Variants in HFM1 observed in about 807,000 individuals in gnomAD.
HFM1 encodes the protein helicase for meiosis 1, also known as probable ATP-dependent DNA helicase HFM1.
A neutral mutation model predicts 192.1 loss-of-function variants in HFM1; 169 were observed. That is an observed-to-expected ratio of 0.88 (90% CI 0.78 to 1.00). The LOEUF is 1.00. Among genes scored for constraint, HFM1 ranks in the 50% least tolerant of loss-of-function variants. The pLI is 0.00. For synonymous variants in HFM1, 525 were observed against 537.8 expected, an observed-to-expected ratio of 0.98 and a Z score of 0.33; for missense variants, 1,661 against 1,668.0, an observed-to-expected ratio of 1.00 and a Z score of 0.07.
chr1:91,283,293 G>T (rs1667629285), intron 30 of HFM1, among the ~76,000 whole-genome samples: 2 of 152,182 alleles, frequency 1.3e-5, no homozygotes, highest in African/African-American at 2.4e-5. Flanking sequence ...ACCTAGGCAG[G>T]AGTGCAGTGG....
chr1:91,315,463 T>A (rs1651055093), intron 28 of HFM1, among the ~76,000 whole-genome samples: 1 of 152,168 alleles, frequency 6.6e-6, no homozygotes, highest in South Asian at 2.1e-4. Context: ...GAAGGTATAT[T>A]TTGAGGTCAG....
rs1254442331 is a variant in HFM1, at chr1:91,287,090, G to A, written c.3392-10028C>T. Among the ~76,000 whole-genome samples the A allele has an allele frequency of 8.5e-5, 13 of 152,172 alleles. No homozygotes were observed. The South Asian group carries it at 2.5e-3, about 29-fold the overall frequency. Reference sequence around the variant, plus strand: ...GCGGCAGCGAGGCTGGGGGAGGGGTGCCCGCCACTGCCCAGGATTGCTTAG... The same window carrying A: ...GCGGCAGCGAGGCTGGGGGAGGGGTACCCGCCACTGCCCAGGATTGCTTAG... On this transcript the variant is annotated intron_variant, in intron 30 of 38. Transcript: ENST00000370425.
chr1:91,383,232 A>G (rs1661767433), intron 6 of HFM1, among the ~76,000 whole-genome samples: 1 of 152,180 alleles, frequency 6.6e-6, no homozygotes, highest in Admixed American at 6.5e-5. Flanking sequence ...AAAATCCTCA[A>G]AGCTCTTTAA....
At chr1:91,310,387 T>G (rs183914906) in intron 30 of HFM1, among the ~76,000 whole-genome samples, 23 of 152,330 alleles carry the variant, frequency 1.5e-4, no homozygotes, top group African/African-American at 5.5e-4. Flanking sequence ...CTTACACTTC[T>G]ATCTACTTTT....
intron 20 of HFM1, among the ~76,000 whole-genome samples, chr1:91,325,845 A>G (rs1453539020): frequency 1.3e-5 from 2 of 152,198 alleles, no homozygotes; most frequent in Admixed American, 6.5e-5. Context: ...AAGAAACTCA[A>G]AGAAATTCAA....
At chr1:91,344,965 T>C (rs1655931761) in intron 19 of HFM1, among the ~76,000 whole-genome samples, 1 of 152,106 alleles carries the variant, frequency 6.6e-6, no homozygotes. Flanking sequence ...TTGTCCAGGC[T>C]GGTCTCAAAC....
intron 34 of HFM1, 84 bp downstream of exon 34, chr1:91,273,628 G>T: frequency 1.6e-6 from 1 of 640,328 alleles, no homozygotes. Context: ...AATTTCAGAT[G>T]CCGGTGTTTC....
chr1:91,292,764 A>G (rs527453771), intron 30 of HFM1, among the ~76,000 whole-genome samples: 1 of 152,292 alleles, frequency 6.6e-6, no homozygotes, highest in African/African-American at 2.4e-5. Flanking sequence ...AAGCCAAAAG[A>G]AGAAAGCTGG....
chr1:91,373,631 C>T (rs771650644), intron 13 of HFM1, among the ~76,000 whole-genome samples: 1 of 151,574 alleles, frequency 6.6e-6, no homozygotes, highest in Non-Finnish European at 1.5e-5. Context: ...CATCTAGTTG[C>T]TTAAAAGTGT....
At chr1:91,392,003 T>C (rs1663056785) in intron 4 of HFM1, among the ~76,000 whole-genome samples, 1 of 152,132 alleles carries the variant, frequency 6.6e-6, no homozygotes, top group Non-Finnish European at 1.5e-5. Context: ...AAAATGCTCA[T>C]CATCACTGGC....
chr1:91,352,016 T>C (rs1656999959), intron 16 of HFM1, among the ~76,000 whole-genome samples: 1 of 151,862 alleles, frequency 6.6e-6, no homozygotes, highest in Non-Finnish European at 1.5e-5. Flanking sequence ...ATCTTCCTGA[T>C]GTTCCCATAA....
intron 4 of HFM1, among the ~76,000 whole-genome samples, chr1:91,390,437 A>C (rs934437269): frequency 6.6e-6 from 1 of 151,440 alleles, no homozygotes; most frequent in Non-Finnish European, 1.5e-5. Context: ...CTCCCAAAGA[A>C]AAAAAAAAAA....
In HFM1 at chr1:91,390,157, T is replaced by G. The variant is rs1370692662; in HGVS notation, c.494+3936A>C. 3.3e-5 allele frequency among the ~76,000 whole-genome samples: 5 copies of G among 152,252 alleles called. No individual in the cohort carries two copies. In the East Asian group the frequency reaches 5.8e-4, roughly 18 times the overall value. On this transcript the variant is annotated intron_variant, in intron 4 of 38. Coordinates refer to ENST00000370425, the MANE Select transcript of HFM1 (RefSeq NM_001017975.6). Reference sequence around the variant, plus strand: ...TGGCCATTAAAACAAAATGAAATACTGGCCAGGCATGGTAGCTTACGCCTG... The same window carrying G: ...TGGCCATTAAAACAAAATGAAATACGGGCCAGGCATGGTAGCTTACGCCTG...
intron 4 of HFM1, among the ~76,000 whole-genome samples, chr1:91,387,543 G>A (rs1485219673): frequency 1.3e-5 from 2 of 151,290 alleles, no homozygotes; most frequent in Admixed American, 6.6e-5. Flanking sequence ...GTTACCGTTT[G>A]ACAGGTGTAC....
At chr1:91,382,015 T>C (rs894330302) in intron 6 of HFM1, among the ~76,000 whole-genome samples, 5 of 152,124 alleles carry the variant, frequency 3.3e-5, no homozygotes, top group Admixed American at 6.6e-5. Context: ...CCCCTGCCTT[T>C]ATCTCTCTGA....
intron 3 of HFM1, among the ~76,000 whole-genome samples, chr1:91,395,482 G>A (rs1489539147): frequency 6.6e-6 from 1 of 151,922 alleles, no homozygotes; most frequent in African/African-American, 2.4e-5. Context: ...AGATGAGGAG[G>A]ATCTGTTTGT....
chr1:91,376,996 T>G (rs1198454622), intron 11 of HFM1, among the ~76,000 whole-genome samples: 1 of 151,766 alleles, frequency 6.6e-6, no homozygotes, highest in Non-Finnish European at 1.5e-5. Context: ...TAACTTAATC[T>G]TCCATTGTTA....
intron 13 of HFM1, among the ~76,000 whole-genome samples, chr1:91,359,356 T>C (rs527346308): frequency 2.0e-5 from 3 of 152,182 alleles, no homozygotes; most frequent in African/African-American, 7.2e-5. Context: ...GTAAGAACCA[T>C]GGTAAAACAG....
At chr1:91,400,978 T>C (rs1356919871) in intron 2 of HFM1, 34 bp downstream of exon 2, 1 of 1,037,276 alleles carries the variant, frequency 9.6e-7, no homozygotes, top group South Asian at 1.5e-5. Context: ...CCTAAAGTAA[T>C]ATACTATGCT....
Sources: allele counts gnomAD v4.1 joint callset (sites outside exome capture counted in the v4.1 genomes callset), GRCh38; gene constraint gnomAD v4.1.1; transcripts MANE v1.5; gene names NCBI Gene and HGNC (gene_info 2026-07-23, HGNC 2026-07-21).